The following MTUS2 variants were observed in gnomAD, a reference collection of about 807,000 sequenced individuals.
The protein encoded by MTUS2 is microtubule associated scaffold protein 2.
In MTUS2, 40 loss-of-function variants were observed where a neutral mutation model predicts 114.1. That is an observed-to-expected ratio of 0.35 (90% CI 0.27 to 0.46). The LOEUF is 0.46. MTUS2 is among the 20% of genes least tolerant of loss of function. The pLI is 1.00. For missense variants in MTUS2, 1,679 were observed against 1,705.4 expected (o/e 0.98, Z 0.27); for synonymous variants, 688 against 672.0 (o/e 1.02, Z -0.37).
intron 8 of MTUS2, among the ~76,000 whole-genome samples, chr13:29,414,651 G>A (rs1316222907): frequency 4.0e-5 from 6 of 151,642 alleles, no homozygotes; most frequent in Middle Eastern, 3.4e-3. Context: ...TATATCTTAC[G>A]GTTGTTAATT....
At chr13:28,931,252 A>G (rs1231613672) in intron 2 of MTUS2, among the ~76,000 whole-genome samples, 1 of 152,230 alleles carries the variant, frequency 6.6e-6, no homozygotes, top group Non-Finnish European at 1.5e-5. Context: ...AAAAATAAAA[A>G]ATAGCAATAC....
rs187496021 is a variant in MTUS2 at position 29,448,950 on chromosome 13, C to T, written c.3184+8901C>T. 6.2e-3 allele frequency among the ~76,000 whole-genome samples: 945 copies of T among 151,900 alleles called. 4 individuals carry two copies. Among genetic ancestry groups the T allele is most frequent in the Middle Eastern group, 0.017 (5 of 294 alleles). ...TGTATTTTTAGTAGAGTTGGGGTTT[C>T]GCCATGTTTGCCAGGCTGGTCTTGA... On this transcript the variant is annotated intron_variant, in intron 9 of 15. Coordinates refer to ENST00000612955, the MANE Select transcript of MTUS2 (RefSeq NM_001033602.4).
chr13:29,085,189 A>T (rs1210003729), intron 4 of MTUS2, among the ~76,000 whole-genome samples: 2 of 152,238 alleles, frequency 1.3e-5, no homozygotes, highest in African/African-American at 2.4e-5. Context: ...CTAGAAGCAG[A>T]GGGTGATACC....
chr13:29,093,215 C>T (rs150842148), intron 4 of MTUS2, among the ~76,000 whole-genome samples: 88 of 152,244 alleles, frequency 5.8e-4, no homozygotes, highest in Non-Finnish European at 1.0e-3. Flanking sequence ...GAGACTAAGA[C>T]GGGCAGATCA....
At chr13:28,880,847 C>T (rs1252789365) in intron 2 of MTUS2, among the ~76,000 whole-genome samples, 1 of 152,064 alleles carries the variant, frequency 6.6e-6, no homozygotes, top group African/African-American at 2.4e-5. Context: ...TGAGAGAAAT[C>T]TTATAAAAGG....
intron 2 of MTUS2, among the ~76,000 whole-genome samples, chr13:28,948,950 A>G (rs1882675365): frequency 6.6e-6 from 1 of 152,164 alleles, no homozygotes; most frequent in East Asian, 1.9e-4. Context: ...GAGGGCTACC[A>G]ATTTGTAAAT....
intron 2 of MTUS2, among the ~76,000 whole-genome samples, chr13:28,847,637 G>A (rs1875976400): frequency 5.3e-5 from 8 of 152,128 alleles, no homozygotes; most frequent in Admixed American, 5.2e-4. Flanking sequence ...TTCCTGTGTG[G>A]CCTAGTTCTT....
In MTUS2 at chr13:29,013,656, A is replaced by G. The variant is rs142675081; in HGVS notation, c.-242-10801A>G. Among the ~76,000 whole-genome samples the G allele has an allele frequency of 1.8e-3, 278 of 152,356 alleles. 2 individuals carry two copies. Among genetic ancestry groups the G allele is most frequent in the Non-Finnish European group, 3.0e-3 (205 of 68,022 alleles). ...AAAAGGAAATGGGTAGCTAGGGTTA[A>G]AGGGGACATGTAACTCTGGCATCAC... On this transcript the variant is annotated intron_variant, in intron 2 of 15. Transcript: ENST00000612955.
Position 29,127,845 on chromosome 13 carries a change from T to A in MTUS2, c.2644+26875T>A, listed in dbSNP as rs1217646132. ...TATTGAATACTTCCATTTTTCCTGC[T>A]AAGCAGCGTGGTTTTACAGATTAGT... On this transcript the variant is annotated intron_variant, in intron 5 of 15. Transcript: ENST00000612955. Among the ~76,000 whole-genome samples the A allele has an allele frequency of 3.9e-4, 60 of 152,242 alleles. 2 individuals carry two copies. The highest frequency in any genetic ancestry group is 3.9e-3 in the Admixed American group (60 of 15,288).
At chr13:29,084,649 T>C (rs1336980531) in intron 4 of MTUS2, among the ~76,000 whole-genome samples, 1 of 151,830 alleles carries the variant, frequency 6.6e-6, no homozygotes, top group East Asian at 2.0e-4. Flanking sequence ...GCGATTCTCC[T>C]GTTTCAGCCT....
At chr13:28,907,187 C>G (rs1214602312) in intron 2 of MTUS2, among the ~76,000 whole-genome samples, 3 of 151,462 alleles carry the variant, frequency 2.0e-5, no homozygotes, top group Admixed American at 1.3e-4. Flanking sequence ...AAATACTTTA[C>G]AGACAAGCAA....
At chr13:29,255,052 C>T (rs1897248705) in intron 5 of MTUS2, among the ~76,000 whole-genome samples, 2 of 152,098 alleles carry the variant, frequency 1.3e-5, no homozygotes, top group African/African-American at 4.8e-5. Context: ...CTGAATATCC[C>T]CTAGCTTATA....
intron 5 of MTUS2, among the ~76,000 whole-genome samples, chr13:29,251,237 C>A (rs1212251923): frequency 6.6e-6 from 1 of 151,644 alleles, no homozygotes; most frequent in Non-Finnish European, 1.5e-5. Flanking sequence ...CTTATGTAGG[C>A]AAGCCCCTTA....
At position 29,389,395 on chromosome 13, in the gene MTUS2, G is replaced by A. The variant is rs1401575629; in HGVS notation, c.3117+29922G>A. On this transcript the variant is annotated intron_variant, in intron 8 of 15. Coordinates refer to ENST00000612955, the MANE Select transcript of MTUS2 (RefSeq NM_001033602.4). ...TGTGTATATATGTATACACGTGTGT[G>A]TATATATGTATACACGTGTGTGTGT... 4.3e-3 allele frequency among the ~76,000 whole-genome samples: 308 copies of A among 71,428 alleles called. 50 individuals carry two copies. The highest frequency in any genetic ancestry group is 0.022 in the African/African-American group (286 of 13,080). The allele number at this position is 71,428 out of a possible 152,430, so 46.9% of individuals were successfully genotyped here.
At chr13:29,084,087 T>C (rs983821286) in intron 4 of MTUS2, among the ~76,000 whole-genome samples, 8 of 152,150 alleles carry the variant, frequency 5.3e-5, no homozygotes, top group Non-Finnish European at 1.5e-5. Context: ...TTAAATTTAA[T>C]GAGATCCCAG....
At chr13:29,185,910 A>G (rs1262921325) in intron 5 of MTUS2, among the ~76,000 whole-genome samples, 1 of 152,196 alleles carries the variant, frequency 6.6e-6, no homozygotes, top group Non-Finnish European at 1.5e-5. Flanking sequence ...TAAAAAGGAC[A>G]TTATAGAATG....
chr13:28,936,257 C>G (rs1881894897), intron 2 of MTUS2, among the ~76,000 whole-genome samples: 1 of 152,142 alleles, frequency 6.6e-6, no homozygotes, highest in Admixed American at 6.5e-5. Context: ...GCACCCCCTA[C>G]CCCTGCACCC....
intron 2 of MTUS2, among the ~76,000 whole-genome samples, chr13:28,932,789 C>T (rs964890561): frequency 6.6e-6 from 1 of 152,170 alleles, no homozygotes; most frequent in Non-Finnish European, 1.5e-5. Context: ...CTGTGCTTGT[C>T]TTCCCTTCTG....
chr13:28,930,601 C>T (rs966325848), intron 2 of MTUS2, among the ~76,000 whole-genome samples: 3 of 152,186 alleles, frequency 2.0e-5, no homozygotes, highest in South Asian at 4.1e-4. Context: ...ACAAGAACAT[C>T]TCACATATCT....
Sources: gnomAD v4.1 joint callset for allele counts (sites outside exome capture counted in the v4.1 genomes callset) on GRCh38, gnomAD v4.1.1 for gene constraint, MANE v1.5 for transcripts, NCBI Gene and HGNC (gene_info 2026-07-23, HGNC 2026-07-21) for gene names.